LRBA: variants seen among roughly 807,000 people sequenced by gnomAD.
LRBA encodes lipopolysaccharide-responsive and beige-like anchor protein.
Under a neutral mutation model 330.0 loss-of-function variants are expected in LRBA, and 176 were observed. The observed-to-expected ratio is 0.53, with a 90% confidence interval of 0.47 to 0.60. The LOEUF (loss-of-function observed/expected upper bound fraction) is 0.60. Among genes scored for constraint, LRBA ranks in the 20% least tolerant of loss-of-function variants. The probability of loss-of-function intolerance (pLI) is 0.00; values close to 1 mark genes in which losing one functional copy is unlikely to be tolerated. For missense variants in LRBA, 3,259 were observed against 3,444.8 expected (o/e 0.95, Z 1.35); for synonymous variants, 1,230 against 1,193.0 (o/e 1.03, Z -0.64).
intron 56 of LRBA, among the ~76,000 whole-genome samples, chr4:150,271,243 C>T (rs140596594): frequency 0.014 from 2,107 of 152,244 alleles, 41 homozygotes; most frequent in African/African-American, 0.048. Flanking sequence ...GGTGCCTACA[C>T]CACCAGGGCC....
At chr4:150,443,768 G>T (rs1367743773) in intron 44 of LRBA, among the ~76,000 whole-genome samples, 1 of 149,352 alleles carries the variant, frequency 6.7e-6, no homozygotes, top group Non-Finnish European at 1.5e-5. Context: ...AATGGGTGCA[G>T]CACACCAACA....
At chr4:150,471,523 C>T (rs997954661) in intron 43 of LRBA, 101 bp downstream of exon 43, 26 of 649,500 alleles carry the variant, frequency 4.0e-5, no homozygotes, top group Admixed American at 1.8e-4. Flanking sequence ...GTAGCAATAA[C>T]GGCAATAAAA....
At chr4:150,392,630 C>A (rs1462678481) in intron 47 of LRBA, among the ~76,000 whole-genome samples, 1 of 152,074 alleles carries the variant, frequency 6.6e-6, no homozygotes, top group Non-Finnish European at 1.5e-5. Flanking sequence ...CTCTGCTTGT[C>A]TACTGTTGGT....
intron 47 of LRBA, among the ~76,000 whole-genome samples, chr4:150,380,785 G>C (rs1742099790): frequency 6.7e-6 from 1 of 150,204 alleles, no homozygotes; most frequent in East Asian, 2.0e-4. Context: ...AGACCAGCCT[G>C]ACCAACATGG....
chr4:150,916,393 T>A lies in LRBA; in HGVS notation c.894+8A>T. ...TTAACATAACTATGACTCAAGAAGATCATGTACCTTTTGTGGCTTGAAATC... is the reference window on the plus strand; with the variant it reads ...TTAACATAACTATGACTCAAGAAGAACATGTACCTTTTGTGGCTTGAAATC... On this transcript the variant is annotated splice_region_variant and intron_variant, in intron 7 of 56. Transcript: ENST00000651943. The A allele has an allele frequency of 1.9e-6, 3 of 1,612,332 alleles. No homozygotes were observed. The highest frequency in any genetic ancestry group is 1.3e-5 in the African/African-American group (1 of 74,970).
intron 34 of LRBA, among the ~76,000 whole-genome samples, chr4:150,791,489 A>C (rs1467099269): frequency 2.0e-5 from 3 of 152,228 alleles, no homozygotes; most frequent in African/African-American, 7.2e-5. Flanking sequence ...GGCTTGTCTT[A>C]AAAGCATACG....
chr4:150,992,495 G>A (rs1742207942), intron 2 of LRBA, among the ~76,000 whole-genome samples: 1 of 152,180 alleles, frequency 6.6e-6, no homozygotes, highest in African/African-American at 2.4e-5. Context: ...TACATGATAA[G>A]ATTTGTGTTT....
chr4:150,563,743 GACAA>G (rs1561358700), intron 40 of LRBA, among the ~76,000 whole-genome samples: 2 of 152,070 alleles, frequency 1.3e-5, no homozygotes. Context: ...ACCAATAACA[GACAA>G]ACAGAGAGCC....
At chr4:150,634,173 T>C (rs562958186) in intron 37 of LRBA, among the ~76,000 whole-genome samples, 16 of 152,286 alleles carry the variant, frequency 1.1e-4, no homozygotes, top group South Asian at 2.1e-4. Context: ...CAAATTCCAA[T>C]TGAATTGTTA....
chr4:150,632,144 T>C (rs6852703), intron 37 of LRBA, among the ~76,000 whole-genome samples: 120,409 of 151,540 alleles, frequency 0.79, 51,729 homozygotes, highest in Non-Finnish European at 0.95. Flanking sequence ...GGCAGGAGAA[T>C]TGCTTGAGCC....
chr4:150,440,719 C>G (rs1280751235), intron 44 of LRBA, among the ~76,000 whole-genome samples: 1 of 151,968 alleles, frequency 6.6e-6, no homozygotes, highest in Non-Finnish European at 1.5e-5. Flanking sequence ...TGTAATCGCG[C>G]CACTGTACTC....
rs765649015 is a variant in LRBA at position 150,849,585 on chromosome 4, G to C, written c.4005-10C>G. The C allele has an allele frequency of 1.1e-5, 17 of 1,605,016 alleles. No individual in the cohort carries two copies. The highest frequency in any genetic ancestry group is 1.4e-5 in the Non-Finnish European group (17 of 1,172,904). On this transcript the variant is annotated splice_polypyrimidine_tract_variant and intron_variant, in intron 24 of 56. Transcript: ENST00000651943. ...TGTCTTTGTTGAATGGCTGTCCAAAGATAAATGATATTTACTGATAAAGCT... is the reference window on the plus strand; with the variant it reads ...TGTCTTTGTTGAATGGCTGTCCAAACATAAATGATATTTACTGATAAAGCT...
At chr4:150,638,038 A>C (rs1234129369) in intron 37 of LRBA, among the ~76,000 whole-genome samples, 1 of 152,098 alleles carries the variant, frequency 6.6e-6, no homozygotes, top group Admixed American at 6.6e-5. Flanking sequence ...AGTTTGGGGC[A>C]TACTAGCATC....
intron 17 of LRBA, among the ~76,000 whole-genome samples, chr4:150,876,933 C>A (rs997763527): frequency 6.6e-6 from 1 of 152,006 alleles, no homozygotes; most frequent in African/African-American, 2.4e-5. Flanking sequence ...ATAAAAAAAA[C>A]AAAACTCATC....
At chr4:150,631,930 T>C (rs1434704579) in intron 37 of LRBA, among the ~76,000 whole-genome samples, 1 of 152,144 alleles carries the variant, frequency 6.6e-6, no homozygotes, top group Non-Finnish European at 1.5e-5. Flanking sequence ...TTGAGATTCC[T>C]GTATAGAAGT....
At chr4:150,905,381 C>G (rs1474416667) in intron 13 of LRBA, among the ~76,000 whole-genome samples, 4 of 151,074 alleles carry the variant, frequency 2.6e-5, no homozygotes, top group Non-Finnish European at 5.9e-5. Context: ...AGAGCAGGAG[C>G]AGGGTGAGTT....
At chr4:150,350,643 G>C (rs1581086813) in intron 47 of LRBA, among the ~76,000 whole-genome samples, 1 of 151,294 alleles carries the variant, frequency 6.6e-6, no homozygotes, top group East Asian at 1.9e-4. Context: ...TTTATAATTA[G>C]AGGCTTTCCG....
rs1411005628 is a variant in LRBA, at chr4:150,265,747, T to A, written c.8534A>T (p.His2845Leu). 1 of 1,613,562 alleles carries A rather than the reference T, an allele frequency of 6.2e-7. No homozygotes were observed. Among genetic ancestry groups the A allele is most frequent in the Non-Finnish European group, 8.5e-7 (1 of 1,179,586 alleles). The change falls in exon 57 of 57, where the codon CAT (histidine) becomes CTT (leucine). Residue 2845 changes from histidine (H) to leucine (L), a missense_variant. Physicochemically the swap from His to Leu is moderately conservative, Grantham distance 99. Transcript: ENST00000651943. ...VLFYNDFNRW[H>L]HEYQTRY ...TCAGTAGCGGGTTTGGTATTCATGA[T>A]GCCACCGGTTAAAGTCGTTGTAAAA... is the stretch of plus-strand genomic sequence containing the variant.
intron 44 of LRBA, among the ~76,000 whole-genome samples, chr4:150,465,151 G>A (rs1039609264): frequency 1.3e-5 from 2 of 152,016 alleles, no homozygotes; most frequent in Non-Finnish European, 2.9e-5. Context: ...GAATCATACA[G>A]TATTTGCCTT....
Sources: gnomAD v4.1 joint callset for allele counts (sites outside exome capture counted in the v4.1 genomes callset) on GRCh38, gnomAD v4.1.1 for gene constraint, MANE v1.5 for transcripts, NCBI Gene and HGNC (gene_info 2026-07-23, HGNC 2026-07-21) for gene names.